TBC1D19: variants seen among roughly 807,000 people sequenced by gnomAD.
The protein encoded by TBC1D19 is TBC1 domain family, member 19.
A neutral mutation model predicts 89.0 loss-of-function variants in TBC1D19; 60 were observed. The observed-to-expected ratio is 0.67, with a 90% confidence interval of 0.55 to 0.84. TBC1D19 has a LOEUF of 0.84. Ranked by LOEUF, TBC1D19 falls within the 40% of genes least tolerant of loss-of-function variation. The probability of loss-of-function intolerance (pLI) is 0.00; values close to 1 mark genes in which losing one functional copy is unlikely to be tolerated. For missense variants in TBC1D19, 500 were observed against 610.8 expected (o/e 0.82, Z 1.91); for synonymous variants, 189 against 199.7 (o/e 0.95, Z 0.45).
At chr4:26,732,823 A>T (rs539620971) in intron 15 of TBC1D19, among the ~76,000 whole-genome samples, 1 of 152,314 alleles carries the variant, frequency 6.6e-6, no homozygotes, top group African/African-American at 2.4e-5. Context: ...ATGTTGGGTG[A>T]AAAAGAAAAA....
the TBC1D19 span, among the ~76,000 whole-genome samples, chr4:26,785,707 G>A: frequency 1.3e-5 from 2 of 151,884 alleles, no homozygotes; most frequent in African/African-American, 2.4e-5. Context: ...GTGTGTGTGT[G>A]TGTAGAGATG....
chr4:26,677,975 A>G (rs1712987067), intron 11 of TBC1D19, among the ~76,000 whole-genome samples: 1 of 152,154 alleles, frequency 6.6e-6, no homozygotes, highest in African/African-American at 2.4e-5. Flanking sequence ...CATATAGTAA[A>G]TTGGTACTGC....
intron 15 of TBC1D19, among the ~76,000 whole-genome samples, chr4:26,734,932 G>GTATA (rs1560503646): frequency 1.4e-4 from 9 of 62,446 alleles, no homozygotes; most frequent in African/African-American, 3.5e-4. Context: ...ACACATATAT[G>GTATA]TGTGTATATA....
intron 15 of TBC1D19, among the ~76,000 whole-genome samples, chr4:26,729,082 T>C (rs1164724195): frequency 6.6e-6 from 1 of 152,242 alleles, no homozygotes; most frequent in Non-Finnish European, 1.5e-5. Flanking sequence ...TCTTCAAGTC[T>C]CACAATTTTT....
At position 26,683,690 on chromosome 4, in the gene TBC1D19, G is replaced by A; in HGVS notation, c.832G>A (p.Glu278Lys). 1 of 1,611,888 alleles carries A rather than the reference G, an allele frequency of 6.2e-7. No individual in the cohort carries two copies. Among genetic ancestry groups the A allele is most frequent in the South Asian group, 1.1e-5 (1 of 90,628 alleles). Residue 278 changes from glutamate (E) to lysine (K), a missense_variant, in exon 12 of 21, where the codon GAG (glutamate) becomes AAG (lysine). Coordinates refer to ENST00000264866, the MANE Select transcript of TBC1D19 (RefSeq NM_018317.4). Reference protein sequence around the residue: ...SSQPEDVLYYEQLKTNVIQHD... With the variant: ...SSQPEDVLYYKQLKTNVIQHD... ...TTAAATTTAGGATGTCTTGTATTAT[G>A]AGCAGCTTAAGACCAATGTGATACA...
At chr4:26,846,894 T>C in the TBC1D19 span, among the ~76,000 whole-genome samples, 2 of 152,198 alleles carry the variant, frequency 1.3e-5, no homozygotes, top group East Asian at 3.9e-4. Flanking sequence ...CCTTCTACAC[T>C]CTTTTTACTG....
intron 12 of TBC1D19, among the ~76,000 whole-genome samples, chr4:26,685,460 T>C (rs1309332040): frequency 6.6e-6 from 1 of 152,240 alleles, no homozygotes; most frequent in Non-Finnish European, 1.5e-5. Context: ...TTCCATGTTA[T>C]ACTAACATCA....
At chr4:26,688,250 T>G in intron 12 of TBC1D19, 95 bp from the exon 13 acceptor site, 4 of 1,382,406 alleles carry the variant, frequency 2.9e-6, no homozygotes, top group Admixed American at 3.1e-5. Context: ...AGTAATAAAT[T>G]TATTGCAGTA....
intron 7 of TBC1D19, among the ~76,000 whole-genome samples, chr4:26,648,257 A>G (rs767101375): frequency 4.6e-5 from 7 of 152,218 alleles, no homozygotes; most frequent in Non-Finnish European, 8.8e-5. Context: ...TAGAGAGCCA[A>G]GACACAAGTT....
the TBC1D19 span, among the ~76,000 whole-genome samples, chr4:26,766,217 G>A: frequency 6.6e-6 from 1 of 152,188 alleles, no homozygotes; most frequent in Non-Finnish European, 1.5e-5. Context: ...TGAGTCTGAG[G>A]ATGGCAAATA....
chr4:26,793,664 A>G, the TBC1D19 span, among the ~76,000 whole-genome samples: 1 of 148,514 alleles, frequency 6.7e-6, no homozygotes, highest in Non-Finnish European at 1.5e-5. Flanking sequence ...TGGAGGTTGC[A>G]GTGAGCAGAG....
At chr4:26,659,212 A>G (rs1363487819) in intron 7 of TBC1D19, among the ~76,000 whole-genome samples, 2 of 152,134 alleles carry the variant, frequency 1.3e-5, no homozygotes, top group Non-Finnish European at 2.9e-5. Context: ...GTTAGAATTG[A>G]TTCTAAAATT....
the TBC1D19 span, among the ~76,000 whole-genome samples, chr4:26,796,055 G>A: frequency 2.0e-5 from 3 of 152,106 alleles, no homozygotes; most frequent in Admixed American, 6.5e-5. Flanking sequence ...GGTATTTGTA[G>A]TACAAAAAGA....
chr4:26,621,653 G>T (rs1219946878), intron 4 of TBC1D19, among the ~76,000 whole-genome samples: 1 of 151,814 alleles, frequency 6.6e-6, no homozygotes, highest in Admixed American at 6.6e-5. Flanking sequence ...AAATTAGATG[G>T]TGAAAAGAAG....
At chr4:26,597,387 G>A (rs1740292630) in intron 1 of TBC1D19, among the ~76,000 whole-genome samples, 1 of 152,010 alleles carries the variant, frequency 6.6e-6, no homozygotes, top group African/African-American at 2.4e-5. Flanking sequence ...AGCTGCATTA[G>A]GTTTCTTTTG....
At chr4:26,760,194 A>T (rs1236375921), downstream of TBC1D19, among the ~76,000 whole-genome samples, 2 of 152,164 alleles carry the variant, frequency 1.3e-5, no homozygotes, top group African/African-American at 4.8e-5. Context: ...ATATTTTCAT[A>T]CTTATTTGCC....
At chr4:26,645,172 A>G (rs992014499) in intron 7 of TBC1D19, among the ~76,000 whole-genome samples, 9 of 152,218 alleles carry the variant, frequency 5.9e-5, no homozygotes, top group Non-Finnish European at 1.2e-4. Flanking sequence ...TTCATATGGA[A>G]CCAAAAAAGA....
At position 26,755,038 on chromosome 4, in the gene TBC1D19, T is replaced by A; in HGVS notation, c.*91T>A. ...CTCTGCATAAAACCAAAATGAAACTTTGCATATAAGCCAATAAAGATCATG... is the reference window on the plus strand; with the variant it reads ...CTCTGCATAAAACCAAAATGAAACTATGCATATAAGCCAATAAAGATCATG... On this transcript the variant is annotated 3_prime_UTR_variant, in exon 21 of 21. Transcript: ENST00000264866. 1 of 1,170,834 alleles carries A rather than the reference T, an allele frequency of 8.5e-7. No homozygotes were observed. The highest frequency in any genetic ancestry group is 1.2e-6 in the Non-Finnish European group (1 of 839,150). 72.5% of individuals were successfully genotyped at this position (1,170,834 alleles called of 1,614,324 possible).
At chr4:26,734,684 C>G (rs921737274) in intron 15 of TBC1D19, among the ~76,000 whole-genome samples, 2 of 152,096 alleles carry the variant, frequency 1.3e-5, no homozygotes, top group African/African-American at 2.4e-5. Flanking sequence ...ATAGTGTTTT[C>G]TGTAAAGCAA....
Sources: allele counts gnomAD v4.1 joint callset (sites outside exome capture counted in the v4.1 genomes callset), GRCh38; gene constraint gnomAD v4.1.1; transcripts MANE v1.5; gene names NCBI Gene and HGNC (gene_info 2026-07-23, HGNC 2026-07-21).